The following LSAMP variants were observed in gnomAD, a reference collection of about 807,000 sequenced individuals.
The protein encoded by LSAMP is limbic system-associated membrane protein.
LSAMP carries 7 observed loss-of-function variants against 38.6 expected under a neutral mutation model. The ratio of observed to expected loss-of-function variants is 0.18; its 90% CI spans 0.10 to 0.34. The LOEUF (loss-of-function observed/expected upper bound fraction) is 0.34, where lower values mean the gene tolerates loss of function less well. Ranked by LOEUF, LSAMP falls within the 10% of genes least tolerant of loss-of-function variation. LSAMP has a pLI of 1.00. For missense variants in LSAMP, 313 were observed against 420.0 expected, an observed-to-expected ratio of 0.75 and a Z score of 2.23; for synonymous variants, 154 against 166.8, an observed-to-expected ratio of 0.92 and a Z score of 0.59.
At chr3:116,281,425 G>A (rs1183576147) in intron 1 of LSAMP, among the ~76,000 whole-genome samples, 1 of 152,236 alleles carries the variant, frequency 6.6e-6, no homozygotes, top group East Asian at 1.9e-4. Flanking sequence ...TAGAAAGAAT[G>A]ACAGCTATCA....
rs2049499410 is a variant in LSAMP, at chr3:116,445,486, G to A, written c.-455C>T. 1.6e-5 allele frequency: 5 copies of A among 310,916 alleles called. No individual in the cohort carries two copies. The highest frequency in any genetic ancestry group is 1.1e-4 in the South Asian group (1 of 8,868). The allele number at this position is 310,916 out of a possible 1,614,324, so 19.3% of individuals were successfully genotyped here. ...GTGAGTGTACAGAAACAGCCACACAGCAGCAGCAGCAGCAGAAGCAGCAGC... is the reference window on the plus strand; with the variant it reads ...GTGAGTGTACAGAAACAGCCACACAACAGCAGCAGCAGCAGAAGCAGCAGC... On this transcript the variant is annotated 5_prime_UTR_variant, in exon 1 of 7. Coordinates refer to ENST00000490035, the MANE Select transcript of LSAMP (RefSeq NM_002338.5).
chr3:116,379,493 A>G (rs116345351), intron 1 of LSAMP, among the ~76,000 whole-genome samples: 7,703 of 152,088 alleles, frequency 0.051, 260 homozygotes, highest in Non-Finnish European at 0.077. Flanking sequence ...AGAAATGTCA[A>G]TTTTAACAGC....
intron 1 of LSAMP, among the ~76,000 whole-genome samples, chr3:116,207,207 T>G (rs2046081825): frequency 6.6e-6 from 1 of 151,672 alleles, no homozygotes; most frequent in Non-Finnish European, 1.5e-5. Flanking sequence ...GTCTGTTTTA[T>G]CAGAGACTAG....
At chr3:115,881,285 A>G (rs2107431638) in intron 3 of LSAMP, among the ~76,000 whole-genome samples, 1 of 151,240 alleles carries the variant, frequency 6.6e-6, no homozygotes, top group South Asian at 2.1e-4. Context: ...ACTCTTGAAA[A>G]CCTCCTGAGC....
At chr3:115,851,563 G>C (rs1935331851) in intron 4 of LSAMP, among the ~76,000 whole-genome samples, 2 of 152,170 alleles carry the variant, frequency 1.3e-5, no homozygotes, top group African/African-American at 4.8e-5. Context: ...ATGACAGAAA[G>C]TACTCGTCAT....
intron 2 of LSAMP, among the ~76,000 whole-genome samples, chr3:116,058,625 T>C (rs1384386835): frequency 6.6e-6 from 1 of 152,196 alleles, no homozygotes; most frequent in African/African-American, 2.4e-5. Context: ...TTGCTTTTAC[T>C]TAATCCAAGC....
At chr3:116,108,837 G>C (rs892371359) in intron 1 of LSAMP, among the ~76,000 whole-genome samples, 1 of 152,194 alleles carries the variant, frequency 6.6e-6, no homozygotes, top group South Asian at 2.1e-4. Context: ...TCAGGCATTT[G>C]GAAGTTCTTG....
chr3:116,392,298 G>A (rs2048712752), intron 1 of LSAMP, among the ~76,000 whole-genome samples: 1 of 152,170 alleles, frequency 6.6e-6, no homozygotes, highest in African/African-American at 2.4e-5. Flanking sequence ...GGGGGCCTGG[G>A]AAGGTCCTCC....
At chr3:116,007,965 G>T (rs1940209055) in intron 3 of LSAMP, among the ~76,000 whole-genome samples, 1 of 152,142 alleles carries the variant, frequency 6.6e-6, no homozygotes, top group Non-Finnish European at 1.5e-5. Flanking sequence ...TGCAGATGCT[G>T]CTGGTTTAGG....
intron 3 of LSAMP, among the ~76,000 whole-genome samples, chr3:116,001,028 T>C (rs1195381726): frequency 6.6e-6 from 1 of 152,160 alleles, no homozygotes; most frequent in East Asian, 1.9e-4. Context: ...AGGCACTATA[T>C]CATAGTAAAT....
chr3:115,814,977 T>C (rs1402136062), intron 6 of LSAMP, among the ~76,000 whole-genome samples: 1 of 152,146 alleles, frequency 6.6e-6, no homozygotes, highest in Non-Finnish European at 1.5e-5. Context: ...CCACCTGCTG[T>C]CCATTTTCTG....
At chr3:116,318,825 A>C (rs2047668867) in intron 1 of LSAMP, among the ~76,000 whole-genome samples, 1 of 152,220 alleles carries the variant, frequency 6.6e-6, no homozygotes, top group South Asian at 2.1e-4. Flanking sequence ...GTAGTGATCC[A>C]TTTGACAGAG....
intron 3 of LSAMP, among the ~76,000 whole-genome samples, chr3:116,007,854 C>G (rs1203326184): frequency 1.3e-5 from 2 of 152,110 alleles, no homozygotes; most frequent in Non-Finnish European, 2.9e-5. Flanking sequence ...ACCTGAAGGG[C>G]ATGTTAAGCT....
At chr3:116,280,324 A>T (rs2047112091) in intron 1 of LSAMP, among the ~76,000 whole-genome samples, 1 of 152,216 alleles carries the variant, frequency 6.6e-6, no homozygotes, top group East Asian at 1.9e-4. Context: ...TCAGGATCAC[A>T]TGACCCCTGA....
chr3:116,409,761 C>T (rs189889126), intron 1 of LSAMP, among the ~76,000 whole-genome samples: 215 of 152,122 alleles, frequency 1.4e-3, no homozygotes, highest in Middle Eastern at 3.4e-3. Context: ...GGACATTAAC[C>T]ACTTGCCCTT....
At chr3:116,250,155 G>A (rs995267478) in intron 1 of LSAMP, among the ~76,000 whole-genome samples, 21 of 152,144 alleles carry the variant, frequency 1.4e-4, no homozygotes, top group Admixed American at 1.4e-3. Context: ...GAAGTAAATA[G>A]CAGAGTGCTT....
intron 4 of LSAMP, among the ~76,000 whole-genome samples, chr3:115,844,054 G>A (rs1031957615): frequency 1.3e-5 from 2 of 152,250 alleles, no homozygotes; most frequent in South Asian, 2.1e-4. Context: ...TTGGCTGTTT[G>A]GACTTCTCAT....
chr3:116,012,117 T>C (rs1469774755), intron 3 of LSAMP, among the ~76,000 whole-genome samples: 1 of 152,230 alleles, frequency 6.6e-6, no homozygotes, highest in Non-Finnish European at 1.5e-5. Context: ...TCCTGTTTCT[T>C]AGTGGCTTGG....
chr3:115,882,491 C>T (rs1036872860), intron 3 of LSAMP, among the ~76,000 whole-genome samples: 2 of 152,056 alleles, frequency 1.3e-5, no homozygotes, highest in African/African-American at 4.8e-5. Context: ...TCCAATTTCT[C>T]TGAATCCATA....
Sources: gnomAD v4.1 joint callset for allele counts (sites outside exome capture counted in the v4.1 genomes callset) on GRCh38, gnomAD v4.1.1 for gene constraint, MANE v1.5 for transcripts, NCBI Gene and HGNC (gene_info 2026-07-23, HGNC 2026-07-21) for gene names.